Variants in NCKAP5 observed in about 807,000 individuals in gnomAD.
NCKAP5 encodes nck-associated protein 5.
In NCKAP5, 92 loss-of-function variants were observed where a neutral mutation model predicts 167.0. The ratio of observed to expected loss-of-function variants is 0.55; its 90% CI spans 0.47 to 0.66. NCKAP5 has a LOEUF of 0.66. Ranked by LOEUF, NCKAP5 falls within the 30% of genes least tolerant of loss-of-function variation. NCKAP5 has a pLI of 0.00. For synonymous variants in NCKAP5, 891 were observed against 877.4 expected (o/e 1.02, Z -0.27); for missense variants, 2,378 against 2,315.0 (o/e 1.03, Z -0.56).
intron 4 of NCKAP5, among the ~76,000 whole-genome samples, chr2:133,226,640 C>G (rs189027782): frequency 5.3e-5 from 8 of 150,796 alleles, no homozygotes; most frequent in African/African-American, 2.0e-4. Context: ...CACACACACA[C>G]AGGAAGAACA....
At chr2:133,392,559 T>C (rs1176575251) in intron 3 of NCKAP5, among the ~76,000 whole-genome samples, 1 of 152,214 alleles carries the variant, frequency 6.6e-6, no homozygotes, top group African/African-American at 2.4e-5. Flanking sequence ...ATAACTGTAT[T>C]GTTACAGTTT....
intron 19 of NCKAP5, among the ~76,000 whole-genome samples, chr2:132,689,702 C>T (rs1203970026): frequency 6.6e-6 from 1 of 152,152 alleles, no homozygotes; most frequent in Non-Finnish European, 1.5e-5. Context: ...TCCTTCTTAA[C>T]ACCACAATTC....
intron 4 of NCKAP5, among the ~76,000 whole-genome samples, chr2:133,244,204 A>C (rs898065884): frequency 6.6e-6 from 1 of 152,172 alleles, no homozygotes; most frequent in Non-Finnish European, 1.5e-5. Context: ...ATAAAGATGG[A>C]TATTCTTTGT....
intron 2 of NCKAP5, among the ~76,000 whole-genome samples, chr2:133,549,845 A>G (rs1333468124): frequency 2.0e-5 from 3 of 148,556 alleles, no homozygotes; most frequent in Admixed American, 6.7e-5. Flanking sequence ...TTGATAGACC[A>G]CTAGCAAGAC....
At chr2:132,881,394 T>G (rs1691737554) in intron 8 of NCKAP5, among the ~76,000 whole-genome samples, 1 of 151,918 alleles carries the variant, frequency 6.6e-6, no homozygotes, top group Admixed American at 6.6e-5. Flanking sequence ...AGGCTGGTCT[T>G]GAACTCCTGA....
chr2:133,298,230 T>C (rs771446785), intron 4 of NCKAP5, among the ~76,000 whole-genome samples: 2 of 152,184 alleles, frequency 1.3e-5, no homozygotes, highest in Non-Finnish European at 2.9e-5. Context: ...AAATAGTATA[T>C]AAATCTGCTA....
chr2:132,890,298 T>G (rs970622498), intron 8 of NCKAP5, among the ~76,000 whole-genome samples: 5 of 152,140 alleles, frequency 3.3e-5, no homozygotes, highest in Non-Finnish European at 7.3e-5. Flanking sequence ...TTCACAACTC[T>G]AGGCCATCCC....
At chr2:132,853,987 C>A (rs1186575178) in intron 11 of NCKAP5, among the ~76,000 whole-genome samples, 1 of 152,172 alleles carries the variant, frequency 6.6e-6, no homozygotes, top group Non-Finnish European at 1.5e-5. Flanking sequence ...GAAACCACCT[C>A]CCTGTACCTC....
the NCKAP5 span, among the ~76,000 whole-genome samples, chr2:133,652,837 C>T: frequency 3.8e-4 from 58 of 152,302 alleles, 1 homozygote; most frequent in East Asian, 8.5e-3. Flanking sequence ...ATGATCTACA[C>T]TCAATTCTCT....
intron 4 of NCKAP5, among the ~76,000 whole-genome samples, chr2:133,216,819 G>A (rs531518819): frequency 1.3e-5 from 2 of 152,156 alleles, no homozygotes; most frequent in East Asian, 3.9e-4. Context: ...AAGGAGAGTG[G>A]CTGTGTCGGA....
rs186955455 is a variant in NCKAP5, at chr2:132,882,359, G to T, written c.580-3443C>A. ...TTTTTCCACACTCCTACATGCACAG[G>T]CTCAACACCCCCACCCCACCCCAAG... On this transcript the variant is annotated intron_variant, in intron 8 of 19. Transcript: ENST00000409261. Among the ~76,000 whole-genome samples, 82 of 152,140 alleles carry T rather than the reference G, an allele frequency of 5.4e-4. No individual in the cohort carries two copies. In the Middle Eastern group the frequency reaches 0.01, roughly 19 times the overall value.
chr2:133,390,760 T>A (rs187475185), intron 3 of NCKAP5, among the ~76,000 whole-genome samples: 2 of 152,156 alleles, frequency 1.3e-5, no homozygotes, highest in African/African-American at 4.8e-5. Flanking sequence ...TACCTGTGTC[T>A]AGGCTCCATC....
At chr2:132,765,567 C>CCACCCAAAGTGCTGGGATT (rs57897504) in intron 16 of NCKAP5, among the ~76,000 whole-genome samples, 52,647 of 151,740 alleles carry the variant, frequency 0.35, 10,043 homozygotes, top group African/African-American at 0.48. Flanking sequence ...CCCGCCTCAG[C>CCACCCAAAGTGCTGGGATT]ACAGGCATGA....
In NCKAP5 at chr2:132,785,045, T is replaced by C; in HGVS notation, c.1766A>G (p.Asp589Gly). ...LSDTDDNETF[D>G]ELHIESSDEK... ...ATCACTGCTCTCTATGTGCAGCTCA[T>C]CAAACGTTTCATTGTCATCAGTGTC... The change falls in exon 14 of 20, where the codon GAT becomes GGT. Residue 589 changes from aspartate to glycine, a missense_variant. This residue lies in a region of NCKAP5 where 1,049 missense variants were observed against 1,023.4 expected (regional missense o/e 1.02). Coordinates refer to ENST00000409261, the MANE Select transcript of NCKAP5 (RefSeq NM_207363.3). 6.2e-7 allele frequency: 1 copy of C among 1,614,046 alleles called. No individual in the cohort carries two copies. Among genetic ancestry groups the C allele is most frequent in the South Asian group, 1.1e-5 (1 of 91,090 alleles).
At chr2:133,671,018 G>A in the NCKAP5 span, among the ~76,000 whole-genome samples, 17 of 151,856 alleles carry the variant, frequency 1.1e-4, no homozygotes, top group East Asian at 3.9e-4. Context: ...GATCGACACC[G>A]TCCTGGCCAA....
chr2:133,510,973 C>A (rs1259475511), intron 3 of NCKAP5, among the ~76,000 whole-genome samples: 1 of 152,156 alleles, frequency 6.6e-6, no homozygotes, highest in Non-Finnish European at 1.5e-5. Flanking sequence ...AGCAGCATGC[C>A]TAGCCTATAT....
chr2:133,611,868 T>C, the NCKAP5 span, among the ~76,000 whole-genome samples: 4 of 152,208 alleles, frequency 2.6e-5, no homozygotes, highest in East Asian at 7.7e-4. Context: ...ATTCTTTCAT[T>C]CTGAGCACAG....
chr2:133,357,881 A>G (rs899052305), intron 3 of NCKAP5, among the ~76,000 whole-genome samples: 7 of 152,190 alleles, frequency 4.6e-5, no homozygotes, highest in Non-Finnish European at 1.0e-4. Context: ...TACAGATAGA[A>G]TTTCATTTCA....
intron 4 of NCKAP5, among the ~76,000 whole-genome samples, chr2:133,302,794 AT>A (rs1680480860): frequency 1.3e-5 from 2 of 151,038 alleles, no homozygotes; most frequent in South Asian, 2.1e-4. Flanking sequence ...AAAAATAAAA[AT>A]AAAAAAAATA....
Sources: gnomAD v4.1 joint callset for allele counts (sites outside exome capture counted in the v4.1 genomes callset) on GRCh38, gnomAD v4.1.1 for gene constraint, gnomAD v4.1.1 regional missense constraint, MANE v1.5 for transcripts, NCBI Gene and HGNC (gene_info 2026-07-23, HGNC 2026-07-21) for gene names.